DMXL1: variants seen among roughly 807,000 people sequenced by gnomAD.
DMXL1 encodes dmX-like protein 1.
Under a neutral mutation model 319.2 loss-of-function variants are expected in DMXL1, and 99 were observed. That is an observed-to-expected ratio of 0.31 (90% CI 0.26 to 0.37). The LOEUF (loss-of-function observed/expected upper bound fraction) is 0.37, where lower values mean the gene tolerates loss of function less well. Among genes scored for constraint, DMXL1 ranks in the 10% least tolerant of loss-of-function variants. DMXL1 has a pLI of 1.00. For synonymous variants in DMXL1, 1,385 were observed against 1,235.2 expected (o/e 1.12, Z -2.54); for missense variants, 3,745 against 3,595.6 (o/e 1.04, Z -1.06).
At chr5:119,125,289 A>G (rs1005527766) in intron 9 of DMXL1, among the ~76,000 whole-genome samples, 13 of 152,198 alleles carry the variant, frequency 8.5e-5, no homozygotes, top group Non-Finnish European at 1.5e-4. Flanking sequence ...GCATAAATAG[A>G]AAAAGATTGA....
rs907114345 is a variant in DMXL1, at chr5:119,151,913, C to T, written c.4595-16C>T. The T allele has an allele frequency of 1.3e-6, 2 of 1,567,706 alleles. No homozygotes were observed. Among genetic ancestry groups the T allele is most frequent in the Non-Finnish European group, 1.8e-6 (2 of 1,139,878 alleles). On this transcript the variant is annotated splice_polypyrimidine_tract_variant and intron_variant, in intron 18 of 43. Transcript: ENST00000539542. ...TTTTTTTTTTAATACATTGCTTCCC[C>T]TTTCTCCCATTGCAGGTGGAGAAAC...
chr5:119,193,689 A>G, intron 29 of DMXL1, 139 bp from the exon 30 acceptor site: 1 of 839,878 alleles, frequency 1.2e-6, no homozygotes, highest in Non-Finnish European at 1.9e-6. Flanking sequence ...TCAAAGGCAT[A>G]GGATGGTAAG....
intron 40 of DMXL1, 139 bp from the exon 41 acceptor site, chr5:119,238,850 T>C: frequency 2.1e-6 from 3 of 1,431,890 alleles, no homozygotes; most frequent in Non-Finnish European, 2.7e-6. Flanking sequence ...TTACAATTTT[T>C]CTAAAGTTCA....
intron 1 of DMXL1, among the ~76,000 whole-genome samples, chr5:119,073,555 A>G (rs899774202): frequency 3.3e-5 from 5 of 152,212 alleles, no homozygotes; most frequent in African/African-American, 1.2e-4. Context: ...GTCATCCTGT[A>G]CCATCATGTA....
rs780804026 is a variant in DMXL1, at chr5:119,237,403, A to G, written c.8548A>G (p.Lys2850Glu). 1.3e-6 allele frequency: 2 copies of G among 1,599,738 alleles called. No homozygotes were observed. Among genetic ancestry groups the G allele is most frequent in the Non-Finnish European group, 8.5e-7 (1 of 1,170,160 alleles). The change falls in exon 40 of 44, where the codon AAG (lysine) becomes GAG (glutamate). Residue 2850 changes from lysine (K) to glutamate (E), a missense_variant. Physicochemically the swap from Lys to Glu is moderately conservative, Grantham distance 56 (BLOSUM62 1). This residue lies in a region of DMXL1 where 262 missense variants were observed against 320.5 expected (regional missense o/e 0.82). Coordinates refer to ENST00000539542, the MANE Select transcript of DMXL1 (RefSeq NM_001290321.3). ...TTGTCCAGTTACTGGAAGCATGCCTAAGCCATACCTGGTAAGCCAAGAATT... is the reference window on the plus strand; with the variant it reads ...TTGTCCAGTTACTGGAAGCATGCCTGAGCCATACCTGGTAAGCCAAGAATT... ...KCCPVTGSMPKPYLTWQCHNK... is the reference protein window; with the variant it reads ...KCCPVTGSMPEPYLTWQCHNK...
intron 32 of DMXL1, among the ~76,000 whole-genome samples, chr5:119,202,919 A>G (rs2150455715): frequency 6.9e-6 from 1 of 145,394 alleles, no homozygotes; most frequent in South Asian, 2.1e-4. Flanking sequence ...ATATATTTTT[A>G]TATATATATA....
intron 5 of DMXL1, among the ~76,000 whole-genome samples, chr5:119,113,599 C>G (rs150712060): frequency 0.014 from 2,083 of 152,194 alleles, 25 homozygotes; most frequent in Non-Finnish European, 0.017. Flanking sequence ...CCTACTTTTC[C>G]CACCTTTTCC....
At chr5:119,209,254 A>T (rs1782306351) in intron 34 of DMXL1, among the ~76,000 whole-genome samples, 1 of 152,084 alleles carries the variant, frequency 6.6e-6, no homozygotes, top group Non-Finnish European at 1.5e-5. Flanking sequence ...GTGTAGGTAT[A>T]TGTTAAACGT....
At chr5:119,208,357 G>C (rs139739893) in intron 34 of DMXL1, among the ~76,000 whole-genome samples, 1 of 151,928 alleles carries the variant, frequency 6.6e-6, no homozygotes, top group African/African-American at 2.4e-5. Context: ...GGGATTACAC[G>C]CATGGGCCAC....
chr5:119,223,423 C>G (rs1191269365), intron 37 of DMXL1, among the ~76,000 whole-genome samples: 1 of 152,106 alleles, frequency 6.6e-6, no homozygotes, highest in Non-Finnish European at 1.5e-5. Context: ...GCCTGCCTTG[C>G]AGATTGATGA....
chr5:119,072,196 G>C (rs1470854570), intron 1 of DMXL1, among the ~76,000 whole-genome samples: 2 of 152,026 alleles, frequency 1.3e-5, no homozygotes, highest in East Asian at 3.8e-4. Context: ...AGAAAAAAAA[G>C]CCTTTTCATT....
chr5:119,176,705 A>G (rs536376051), intron 26 of DMXL1, among the ~76,000 whole-genome samples: 2 of 152,210 alleles, frequency 1.3e-5, no homozygotes, highest in African/African-American at 4.8e-5. Flanking sequence ...GAATTTCTAA[A>G]GGAAATTCCT....
intron 23 of DMXL1, among the ~76,000 whole-genome samples, chr5:119,168,552 A>G (rs80161591): frequency 2.0e-5 from 3 of 152,176 alleles, no homozygotes; most frequent in African/African-American, 7.2e-5. Context: ...CTATCATTTA[A>G]TCAGGAAGTG....
chr5:119,225,780 G>T (rs1018786647), intron 38 of DMXL1, among the ~76,000 whole-genome samples: 12 of 152,026 alleles, frequency 7.9e-5, no homozygotes, highest in Non-Finnish European at 1.8e-4. Flanking sequence ...TAAAAAATTT[G>T]TCTGTTTTCA....
chr5:119,182,327 A>G (rs1277320060), intron 28 of DMXL1, among the ~76,000 whole-genome samples: 2 of 152,246 alleles, frequency 1.3e-5, no homozygotes, highest in Non-Finnish European at 2.9e-5. Flanking sequence ...AACGTGTCAA[A>G]GCATTGTATA....
intron 2 of DMXL1, among the ~76,000 whole-genome samples, 187 bp from the exon 3 acceptor site, chr5:119,101,748 C>T (rs1279077536): frequency 6.6e-6 from 1 of 152,154 alleles, no homozygotes; most frequent in African/African-American, 2.4e-5. Context: ...TGCTAGTTAA[C>T]GTAGTAAGTT....
chr5:119,161,175 A>C (rs955254806), intron 19 of DMXL1, among the ~76,000 whole-genome samples: 1 of 152,142 alleles, frequency 6.6e-6, no homozygotes, highest in Non-Finnish European at 1.5e-5. Flanking sequence ...CAGGGCTTGC[A>C]GTTGGGTTCT....
At chr5:119,115,991 G>A (rs1045081014) in intron 6 of DMXL1, among the ~76,000 whole-genome samples, 167 bp from the exon 7 acceptor site, 5 of 152,170 alleles carry the variant, frequency 3.3e-5, no homozygotes, top group African/African-American at 1.2e-4. Context: ...GTTAGGCAAT[G>A]CTAATAGAAA....
chr5:119,200,985 T>C (rs543085606), intron 32 of DMXL1, among the ~76,000 whole-genome samples: 1 of 152,350 alleles, frequency 6.6e-6, no homozygotes, highest in East Asian at 1.9e-4. Context: ...CATGGGGTTT[T>C]CTAGATATAG....
Sources: allele counts gnomAD v4.1 joint callset (sites outside exome capture counted in the v4.1 genomes callset), GRCh38; gene constraint gnomAD v4.1.1; regional missense constraint gnomAD v4.1.1; transcripts MANE v1.5; gene names NCBI Gene and HGNC (gene_info 2026-07-23, HGNC 2026-07-21).